Variants in CFAP97 observed in about 807,000 individuals in gnomAD.
CFAP97 encodes cilia and flagella associated protein 97, also known as cilia- and flagella-associated protein 97.
Under a neutral mutation model 43.1 loss-of-function variants are expected in CFAP97, and 36 were observed. The ratio of observed to expected loss-of-function variants is 0.84; its 90% CI spans 0.64 to 1.10. The LOEUF (loss-of-function observed/expected upper bound fraction) is 1.10, where lower values mean the gene tolerates loss of function less well. Among genes scored for constraint, CFAP97 ranks in the 50% least tolerant of loss-of-function variants. The pLI is 0.00. For synonymous variants in CFAP97, 228 were observed against 225.7 expected (o/e 1.01, Z -0.09); for missense variants, 657 against 620.3 (o/e 1.06, Z -0.63).
At chr4:185,189,685 C>A (rs187169440) in intron 2 of CFAP97, among the ~76,000 whole-genome samples, 1 of 152,198 alleles carries the variant, frequency 6.6e-6, no homozygotes, top group Non-Finnish European at 1.5e-5. Context: ...ACTTAAAAGT[C>A]TGAAGAGTCC....
chr4:185,175,976 T>C lies in CFAP97; in HGVS notation c.1130A>G (p.Tyr377Cys), dbSNP rs567292410. 7.4e-6 allele frequency: 12 copies of C among 1,613,722 alleles called. No homozygotes were observed. Among genetic ancestry groups the C allele is most frequent in the Middle Eastern group, 1.6e-4 (1 of 6,062 alleles). Residue 377 changes from tyrosine (Y) to cysteine (C), a missense_variant, in exon 3 of 5, where the codon TAC becomes TGC. Transcript: ENST00000458385. Reference protein sequence around the residue: ...DQPSVAPGKNYSFTREEVRQI... With the variant: ...DQPSVAPGKNCSFTREEVRQI... ...TCTCACCTCTTCTCTTGTGAAAGAGTAGTTTTTCCCGGGTGCTACTGAAGG... is the reference window on the plus strand; with the variant it reads ...TCTCACCTCTTCTCTTGTGAAAGAGCAGTTTTTCCCGGGTGCTACTGAAGG...
At chr4:185,170,081 C>G in intron 3 of CFAP97, 1 of 1,206,542 alleles carries the variant, frequency 8.3e-7, no homozygotes, top group Non-Finnish European at 1.0e-6. Flanking sequence ...GGCACAGTGG[C>G]TCACACCTGT....
In CFAP97 at chr4:185,162,808, G is replaced by A. The variant is rs760075022; in HGVS notation, c.1589C>T (p.Ala530Val). The part of the protein sequence containing the change: ...RRPKPPNVRT[A>V]WL ...AAGTAAAAAAGTGTTTTATAACCAAGCTGTACGGACATTAGGGGGTTTAGG... is the reference window on the plus strand; with the variant it reads ...AAGTAAAAAAGTGTTTTATAACCAAACTGTACGGACATTAGGGGGTTTAGG... The change falls in exon 5 of 5, where the codon GCT becomes GTT. Residue 530 changes from alanine to valine, a missense_variant. Coordinates refer to ENST00000458385, the MANE Select transcript of CFAP97 (RefSeq NM_020827.3). The A allele has an allele frequency of 6.2e-7, 1 of 1,613,082 alleles. No individual in the cohort carries two copies. The highest frequency in any genetic ancestry group is 1.7e-5 in the Admixed American group (1 of 59,860).
At chr4:185,179,647 T>C (rs1735705791) in intron 2 of CFAP97, among the ~76,000 whole-genome samples, 1 of 152,168 alleles carries the variant, frequency 6.6e-6, no homozygotes. Context: ...CCCAGGCACC[T>C]GATGTGAAAA....
chr4:185,207,594 A>G (rs538225355), upstream of CFAP97: 21 of 152,166 alleles, frequency 1.4e-4, no homozygotes, highest in Admixed American at 9.2e-4. Flanking sequence ...GTAATATGAG[A>G]TGAGTAAATC....
intron 3 of CFAP97, among the ~76,000 whole-genome samples, chr4:185,171,072 C>T (rs1735286188): frequency 6.8e-6 from 1 of 146,982 alleles, no homozygotes; most frequent in South Asian, 2.2e-4. Context: ...AAAATTCTAA[C>T]ACGAGAACTC....
chr4:185,159,952 T>C lies in CFAP97; in HGVS notation c.*2846A>G, dbSNP rs151170734. On this transcript the variant is annotated 3_prime_UTR_variant, in exon 5 of 5. Coordinates refer to ENST00000458385, the MANE Select transcript of CFAP97 (RefSeq NM_020827.3). ...CTTTGGGTTTATATTGGTCTTAACA[T>C]GTTTCATAGTTTGCAGTATTTGAAG... 3.8e-3 allele frequency: 577 copies of C among 152,342 alleles called. 2 individuals are homozygous for C. The highest frequency in any genetic ancestry group is 0.013 in the African/African-American group (543 of 41,578). The allele number at this position is 152,342 out of a possible 1,614,324, so 9.4% of individuals were successfully genotyped here. A position where few individuals can be genotyped will look rare whatever the true frequency, so the allele number is the denominator to read the frequency against.
intron 1 of CFAP97, among the ~76,000 whole-genome samples, chr4:185,200,683 G>A (rs1211389373): frequency 3.3e-5 from 5 of 151,968 alleles, no homozygotes; most frequent in Admixed American, 6.6e-5. Flanking sequence ...GCCTGTAGAG[G>A]CTGTGAGGCA....
intron 2 of CFAP97, among the ~76,000 whole-genome samples, chr4:185,180,174 T>C (rs891153941): frequency 7.2e-5 from 11 of 152,180 alleles, no homozygotes; most frequent in Admixed American, 5.2e-4. Context: ...TTTATTTTTT[T>C]CCCAATTCTG....
intron 1 of CFAP97, among the ~76,000 whole-genome samples, chr4:185,201,182 T>C (rs113858879): frequency 0.13 from 19,234 of 151,824 alleles, 1,272 homozygotes; most frequent in African/African-American, 0.15. Context: ...AAAAATTAGC[T>C]GGGCGTGGTG....
intron 4 of CFAP97, 28 bp downstream of exon 4, chr4:185,164,001 A>G (rs757441624): frequency 7.5e-6 from 12 of 1,591,424 alleles, no homozygotes; most frequent in Middle Eastern, 1.7e-4. Context: ...GATACAAATA[A>G]GTATAAAATA....
At chr4:185,186,603 G>A (rs1736015136) in intron 2 of CFAP97, among the ~76,000 whole-genome samples, 1 of 152,120 alleles carries the variant, frequency 6.6e-6, no homozygotes, top group Non-Finnish European at 1.5e-5. Flanking sequence ...ATAAGCAGAA[G>A]CTGATTTGAG....
rs1041337031 is a variant in CFAP97 at position 185,161,077 on chromosome 4, A to G, written c.*1721T>C. On this transcript the variant is annotated 3_prime_UTR_variant, in exon 5 of 5. Transcript: ENST00000458385. ...TGAAATATAGGTTATATAAACAGTA[A>G]AAGTACAGTAAGTTAAAAAACAAAA... 4 of 152,052 alleles carry G rather than the reference A, an allele frequency of 2.6e-5. No homozygotes were observed. The highest frequency in any genetic ancestry group is 5.9e-5 in the Non-Finnish European group (4 of 67,986). The allele number at this position is 152,052 out of a possible 1,614,324, so 9.4% of individuals were successfully genotyped here.
At position 185,189,048 on chromosome 4, in the gene CFAP97, G is replaced by A. The variant is rs192658142; in HGVS notation, c.1054+1095C>T. ...AGGCCAGGAGTTCGACGCAGCCCGC[G>A]CAGCATAGTGAAACCTCATCTCTAC... On this transcript the variant is annotated intron_variant, in intron 2 of 4. Coordinates refer to ENST00000458385, the MANE Select transcript of CFAP97 (RefSeq NM_020827.3). Among the ~76,000 whole-genome samples the A allele has an allele frequency of 3.3e-5, 5 of 152,180 alleles. No homozygotes were observed. In the East Asian group the frequency reaches 7.7e-4, roughly 24 times the overall value.
chr4:185,184,617 A>C (rs569095813), intron 2 of CFAP97, among the ~76,000 whole-genome samples: 1 of 152,198 alleles, frequency 6.6e-6, no homozygotes, highest in African/African-American at 2.4e-5. Context: ...GCTAGAAAGT[A>C]GGTCCCTGAT....
At chr4:185,207,210 C>CT (rs34373262), upstream of CFAP97, among the ~76,000 whole-genome samples, 28,960 of 76,740 alleles carry the variant, frequency 0.38, 10,310 homozygotes, top group Non-Finnish European at 0.47. Context: ...ACCAGTCACA[C>CT]TTTTTTTTTT....
chr4:185,169,467 TC>T (rs1735204706), intron 3 of CFAP97: 2 of 431,514 alleles, frequency 4.6e-6, no homozygotes, highest in African/African-American at 4.3e-5. Context: ...TCCTGAGGCT[TC>T]TCCAGCCTTG....
rs2111389790 is a variant in CFAP97 at position 185,190,735 on chromosome 4, T to C, written c.462A>G (p.Pro154=). The C allele has an allele frequency of 6.3e-7, 1 of 1,582,722 alleles. No individual in the cohort carries two copies. Among genetic ancestry groups the C allele is most frequent in the Non-Finnish European group, 8.6e-7 (1 of 1,162,612 alleles). Residue 154 remains proline (P), a synonymous_variant, in exon 2 of 5, where the codon CCA becomes CCG. Coordinates refer to ENST00000458385, the MANE Select transcript of CFAP97 (RefSeq NM_020827.3). Reference sequence around the variant, plus strand: ...TTATGCTTTTTTTAACGTTAGTAGATGGTTTAGCGGACTTGGACTTCACAT... The same window carrying C: ...TTATGCTTTTTTTAACGTTAGTAGACGGTTTAGCGGACTTGGACTTCACAT... The part of the protein sequence containing the change: ...KYHVKSKSAK[P]STNVKKSIRK...
chr4:185,167,350 C>T (rs1208829820), intron 3 of CFAP97, among the ~76,000 whole-genome samples: 1 of 152,018 alleles, frequency 6.6e-6, no homozygotes, highest in Non-Finnish European at 1.5e-5. Context: ...TGCCTGTGGT[C>T]CCAGCTACCC....
Sources: allele counts gnomAD v4.1 joint callset (sites outside exome capture counted in the v4.1 genomes callset), GRCh38; gene constraint gnomAD v4.1.1; transcripts MANE v1.5; gene names NCBI Gene and HGNC (gene_info 2026-07-23, HGNC 2026-07-21).